Variants in CDH13 observed in about 807,000 individuals in gnomAD.
The protein encoded by CDH13 is cadherin 13, also known as cadherin-13.
CDH13 carries 24 observed loss-of-function variants against 63.8 expected under a neutral mutation model. The observed-to-expected ratio is 0.38, with a 90% CI of 0.27 to 0.53. The LOEUF (loss-of-function observed/expected upper bound fraction) is 0.53, where lower values mean the gene tolerates loss of function less well. Ranked by LOEUF, CDH13 falls within the 20% of genes least tolerant of loss-of-function variation. The pLI is 0.85. For missense variants in CDH13, 1,049 were observed against 903.1 expected (o/e 1.16, Z -2.07); for synonymous variants, 503 against 355.3 (o/e 1.42, Z -4.67).
rs372415491 is a variant in CDH13 at position 83,339,267 on chromosome 16, C to G, written c.637-5595C>G. 3.3e-5 allele frequency among the ~76,000 whole-genome samples: 5 copies of G among 152,130 alleles called. No homozygotes were observed. In the East Asian group the frequency reaches 5.8e-4, roughly 18 times the overall value. ...CTTGATCCCTGAGAGAGGAGCCATC[C>G]TCTAGACAATATTTAGAGCAAAATG... On this transcript the variant is annotated intron_variant, in intron 5 of 13. Transcript: ENST00000567109.
intron 8 of CDH13, among the ~76,000 whole-genome samples, chr16:83,636,084 A>G (rs887833603): frequency 1.5e-5 from 2 of 132,974 alleles, no homozygotes; most frequent in Middle Eastern, 3.7e-3. Flanking sequence ...TTGAATTGCT[A>G]TTGTCCCCTT....
At position 83,232,998 on chromosome 16, in the gene CDH13, A is replaced by G. The variant is rs9926760; in HGVS notation, c.636+15501A>G. ...TCTGACCTAGAGATGAACTAAGTCC[A>G]GTCTGGGACAGGCTCCCCAGGGAGC... On this transcript the variant is annotated intron_variant, in intron 5 of 13. Coordinates refer to ENST00000567109, the MANE Select transcript of CDH13 (RefSeq NM_001257.5). Among the ~76,000 whole-genome samples, 708 of 152,334 alleles carry G rather than the reference A, an allele frequency of 4.6e-3. 6 individuals carry two copies. Among genetic ancestry groups the G allele is most frequent in the African/African-American group, 0.015 (643 of 41,580 alleles).
intron 5 of CDH13, among the ~76,000 whole-genome samples, chr16:83,220,655 G>GAA (rs34803857): frequency 1.2e-4 from 16 of 137,912 alleles, no homozygotes; most frequent in East Asian, 4.1e-4. Flanking sequence ...AACAGAGCAA[G>GAA]AAAAAAAAAG....
intron 2 of CDH13, among the ~76,000 whole-genome samples, chr16:82,969,229 G>T (rs1908329374): frequency 6.6e-6 from 1 of 152,172 alleles, no homozygotes; most frequent in African/African-American, 2.4e-5. Flanking sequence ...GGCTTTGTAG[G>T]TGATATAGTT....
chr16:83,793,194 A>G (rs542860119), intron 13 of CDH13, among the ~76,000 whole-genome samples: 112 of 152,306 alleles, frequency 7.4e-4, no homozygotes, highest in African/African-American at 2.5e-3. Flanking sequence ...AGTTTACTCA[A>G]TTTTATGAAC....
chr16:83,136,307 C>T (rs1466652256), intron 4 of CDH13, among the ~76,000 whole-genome samples: 1 of 151,582 alleles, frequency 6.6e-6, no homozygotes, highest in Non-Finnish European at 1.5e-5. Context: ...CATGGTGAAA[C>T]CCTGTCTCTA....
At chr16:82,803,698 T>C (rs1218533124) in intron 1 of CDH13, among the ~76,000 whole-genome samples, 1 of 152,192 alleles carries the variant, frequency 6.6e-6, no homozygotes, top group Non-Finnish European at 1.5e-5. Flanking sequence ...TGCAGGATAT[T>C]ATGCTAAGTG....
intron 1 of CDH13, among the ~76,000 whole-genome samples, chr16:82,764,087 C>T (rs1446192726): frequency 6.6e-6 from 1 of 152,214 alleles, no homozygotes; most frequent in Non-Finnish European, 1.5e-5. Context: ...CTGCCCAGAC[C>T]GTAGACCTGG....
chr16:83,377,020 G>T (rs1464761505), intron 6 of CDH13, among the ~76,000 whole-genome samples: 1 of 152,058 alleles, frequency 6.6e-6, no homozygotes, highest in Non-Finnish European at 1.5e-5. Flanking sequence ...AGGTCAAGGA[G>T]GAGTGAAGCA....
At chr16:82,870,852 C>T (rs1389070215) in intron 2 of CDH13, among the ~76,000 whole-genome samples, 1 of 152,154 alleles carries the variant, frequency 6.6e-6, no homozygotes, top group Non-Finnish European at 1.5e-5. Context: ...ATAATGGTCC[C>T]TGAAATATTA....
At chr16:83,594,666 A>G (rs557111447) in intron 7 of CDH13, among the ~76,000 whole-genome samples, 30 of 152,320 alleles carry the variant, frequency 2.0e-4, no homozygotes, top group African/African-American at 7.2e-4. Flanking sequence ...CGAGAGAGAG[A>G]TGGGGTACTG....
chr16:82,844,121 G>C (rs559466659), intron 1 of CDH13, among the ~76,000 whole-genome samples: 160 of 152,244 alleles, frequency 1.1e-3, no homozygotes, highest in African/African-American at 3.6e-3. Flanking sequence ...AGATGAGTAT[G>C]ATGTAATCAC....
At chr16:83,744,039 A>C (rs1415514744) in intron 10 of CDH13, among the ~76,000 whole-genome samples, 1 of 152,030 alleles carries the variant, frequency 6.6e-6, no homozygotes, top group African/African-American at 2.4e-5. Context: ...CTCAACCTTA[A>C]AACAAGGATG....
At chr16:83,129,390 C>T (rs754532986) in intron 4 of CDH13, among the ~76,000 whole-genome samples, 7 of 152,174 alleles carry the variant, frequency 4.6e-5, no homozygotes, top group Middle Eastern at 3.2e-3. Flanking sequence ...GACAAGAATT[C>T]AAATGAAGGC....
chr16:83,109,626 G>A (rs35354019), intron 3 of CDH13, among the ~76,000 whole-genome samples: 51,427 of 152,058 alleles, frequency 0.34, 9,721 homozygotes, highest in Middle Eastern at 0.5. Flanking sequence ...CCTGGATCAC[G>A]TGTGCTCACA....
intron 6 of CDH13, among the ~76,000 whole-genome samples, chr16:83,434,375 C>G (rs558697484): frequency 6.6e-6 from 1 of 152,132 alleles, no homozygotes; most frequent in Admixed American, 6.5e-5. Context: ...AGATGACATG[C>G]AAGATGACTT....
At chr16:83,731,329 A>AT (rs34712887) in intron 10 of CDH13, among the ~76,000 whole-genome samples, 73,891 of 151,782 alleles carry the variant, frequency 0.49, 20,032 homozygotes, top group Non-Finnish European at 0.62. Flanking sequence ...AGCATCTGTC[A>AT]TTTTTTGACT....
rs557340358 is a variant in CDH13 at position 83,703,338 on chromosome 16, A to G, written c.1538+24877A>G. ...GAAACAGATTTATGTGCGGAGTTGT[A>G]CACTGAAGCCTTATTTATGGTAGCA... On this transcript the variant is annotated intron_variant, in intron 10 of 13. Coordinates refer to ENST00000567109, the MANE Select transcript of CDH13 (RefSeq NM_001257.5). Among the ~76,000 whole-genome samples, 5 of 152,374 alleles carry G rather than the reference A, an allele frequency of 3.3e-5. No individual in the cohort carries two copies. In the South Asian group the frequency reaches 1.0e-3, roughly 32 times the overall value.
chr16:83,223,788 A>G (rs2039769457), intron 5 of CDH13, among the ~76,000 whole-genome samples: 2 of 152,218 alleles, frequency 1.3e-5, no homozygotes, highest in Admixed American at 1.3e-4. Flanking sequence ...CGCTTGCCAG[A>G]GGACTGGAGT....
Sources: allele counts gnomAD v4.1 joint callset (sites outside exome capture counted in the v4.1 genomes callset), GRCh38; gene constraint gnomAD v4.1.1; transcripts MANE v1.5; gene names NCBI Gene and HGNC (gene_info 2026-07-23, HGNC 2026-07-21).